MED13L: variants seen among roughly 807,000 people sequenced by gnomAD.
MED13L encodes the protein mediator of RNA polymerase II transcription subunit 13-like.
Under a neutral mutation model 220.9 loss-of-function variants are expected in MED13L, and 7 were observed. The ratio of observed to expected loss-of-function variants is 0.03; its 90% confidence interval spans 0.02 to 0.06. MED13L has a LOEUF of 0.06. Ranked by LOEUF, MED13L falls within the 10% of genes least tolerant of loss-of-function variation. The pLI, the probability that MED13L is intolerant of heterozygous loss-of-function variation, is 1.00. For missense variants in MED13L, 1,965 were observed against 2,760.5 expected (o/e 0.71, Z 6.46); for synonymous variants, 1,011 against 1,015.2 (o/e 1.00, Z 0.08).
At chr12:116,242,884 G>T (rs1266155766) in intron 1 of MED13L, among the ~76,000 whole-genome samples, 1 of 152,070 alleles carries the variant, frequency 6.6e-6, no homozygotes, top group African/African-American at 2.4e-5. Context: ...TAAGGCAAAT[G>T]GTAAAAATTA....
chr12:116,044,394 A>G (rs1236716445), intron 4 of MED13L, among the ~76,000 whole-genome samples: 1 of 152,248 alleles, frequency 6.6e-6, no homozygotes, highest in East Asian at 1.9e-4. Flanking sequence ...CACGAAAGAA[A>G]GCGCAAGTGA....
intron 2 of MED13L, among the ~76,000 whole-genome samples, chr12:116,221,366 C>T (rs925342331): frequency 2.7e-5 from 4 of 148,478 alleles, no homozygotes; most frequent in Non-Finnish European, 5.9e-5. Flanking sequence ...AGGGTAAGAC[C>T]CTGTCTTAAA....
At chr12:115,971,749 C>G (rs764513797) in intron 26 of MED13L, among the ~76,000 whole-genome samples, 17 of 152,176 alleles carry the variant, frequency 1.1e-4, no homozygotes, top group Middle Eastern at 3.2e-3. Flanking sequence ...ATGCATCATT[C>G]TGGTGTCTAC....
chr12:116,225,573 T>G (rs758412193), intron 2 of MED13L, among the ~76,000 whole-genome samples: 9 of 152,240 alleles, frequency 5.9e-5, no homozygotes. Context: ...CTAGGCTACT[T>G]TTAAGATAAG....
chr12:116,123,360 C>A (rs16946525), intron 2 of MED13L, among the ~76,000 whole-genome samples: 1 of 152,048 alleles, frequency 6.6e-6, no homozygotes, highest in Non-Finnish European at 1.5e-5. Flanking sequence ...AATTTTGAGA[C>A]GGAAAAGCAG....
intron 4 of MED13L, among the ~76,000 whole-genome samples, chr12:116,046,499 T>C (rs1470608265): frequency 6.6e-6 from 1 of 152,188 alleles, no homozygotes; most frequent in Non-Finnish European, 1.5e-5. Flanking sequence ...CAACCCCAAC[T>C]TCACATATAT....
At chr12:116,231,483 C>G (rs2138433249) in intron 2 of MED13L, among the ~76,000 whole-genome samples, 1 of 152,222 alleles carries the variant, frequency 6.6e-6, no homozygotes, top group African/African-American at 2.4e-5. Flanking sequence ...CTTCAAATAA[C>G]ATCAATATCA....
chr12:116,204,237 T>C (rs1270380425), intron 2 of MED13L, among the ~76,000 whole-genome samples: 2 of 152,202 alleles, frequency 1.3e-5, no homozygotes, highest in Non-Finnish European at 2.9e-5. Context: ...CTATCAATCT[T>C]TCTACTTTGA....
At chr12:115,996,917 T>C (rs1465955948) in intron 15 of MED13L, 93 bp downstream of exon 15, 6 of 1,323,010 alleles carry the variant, frequency 4.5e-6, no homozygotes, top group Non-Finnish European at 6.5e-6. Flanking sequence ...CTTATGTATA[T>C]ATGGCACACA....
intron 4 of MED13L, among the ~76,000 whole-genome samples, chr12:116,080,226 A>G (rs1871135342): frequency 6.6e-6 from 1 of 152,194 alleles, no homozygotes; most frequent in African/African-American, 2.4e-5. Flanking sequence ...CCTTCTTTAT[A>G]TACTTGGCAG....
intron 1 of MED13L, among the ~76,000 whole-genome samples, chr12:116,250,289 AAATACAGAC>A (rs60894480): frequency 0.15 from 22,858 of 151,564 alleles, 1,927 homozygotes; most frequent in Middle Eastern, 0.22. Context: ...AATTAAGGTA[AAATACAGAC>A]TTATTTTTAG....
intron 4 of MED13L, among the ~76,000 whole-genome samples, chr12:116,068,093 T>C (rs1342163178): frequency 1.3e-5 from 2 of 152,120 alleles, no homozygotes; most frequent in Non-Finnish European, 2.9e-5. Flanking sequence ...TGTGAGTAAA[T>C]ACAGGAAACG....
intron 1 of MED13L, among the ~76,000 whole-genome samples, chr12:116,274,747 A>G (rs1023751995): frequency 6.6e-6 from 1 of 152,104 alleles, no homozygotes; most frequent in African/African-American, 2.4e-5. Context: ...CCTTTAAAAA[A>G]AAAAATCAAC....
At chr12:116,272,623 T>C (rs1873472053) in intron 1 of MED13L, among the ~76,000 whole-genome samples, 1 of 151,828 alleles carries the variant, frequency 6.6e-6, no homozygotes, top group South Asian at 2.1e-4. Flanking sequence ...AATAAATACA[T>C]ACTATCCTAA....
At chr12:116,178,486 G>A (rs1326446074) in intron 2 of MED13L, among the ~76,000 whole-genome samples, 1 of 152,142 alleles carries the variant, frequency 6.6e-6, no homozygotes, top group Non-Finnish European at 1.5e-5. Context: ...GCATAACTAT[G>A]AAAAGCTATG....
At chr12:116,240,223 A>G (rs1211618631) in intron 1 of MED13L, among the ~76,000 whole-genome samples, 1 of 151,854 alleles carries the variant, frequency 6.6e-6, no homozygotes, top group Non-Finnish European at 1.5e-5. Flanking sequence ...CAGCCTCCTG[A>G]GTAGCTGGGA....
chr12:116,260,023 T>C (rs1015040076), intron 1 of MED13L, among the ~76,000 whole-genome samples: 1 of 152,048 alleles, frequency 6.6e-6, no homozygotes, highest in Non-Finnish European at 1.5e-5. Context: ...GAAGAAGAAT[T>C]GGGGTAAATC....
intron 4 of MED13L, among the ~76,000 whole-genome samples, chr12:116,093,021 ACATT>A (rs767308039): frequency 2.6e-5 from 4 of 152,206 alleles, no homozygotes; most frequent in Non-Finnish European, 4.4e-5. Context: ...CCTAAAAATG[ACATT>A]CAAAGACTAA....
chr12:116,041,125 C>T (rs1881498743), intron 4 of MED13L, among the ~76,000 whole-genome samples: 1 of 152,170 alleles, frequency 6.6e-6, no homozygotes, highest in South Asian at 2.1e-4. Flanking sequence ...ACCCAAATCT[C>T]ATCTCGAATT....
Sources: gnomAD v4.1 joint callset for allele counts (sites outside exome capture counted in the v4.1 genomes callset) on GRCh38, gnomAD v4.1.1 for gene constraint, MANE v1.5 for transcripts, NCBI Gene and HGNC (gene_info 2026-07-23, HGNC 2026-07-21) for gene names.